The following TEX14 variants were observed in gnomAD, a reference collection of about 807,000 sequenced individuals.
The protein encoded by TEX14 is inactive serine/threonine-protein kinase TEX14.
TEX14 carries 168 observed loss-of-function variants against 178.6 expected under a neutral mutation model. The ratio of observed to expected loss-of-function variants is 0.94; its 90% confidence interval spans 0.83 to 1.07. The LOEUF (loss-of-function observed/expected upper bound fraction) is 1.07. TEX14 is among the 50% of genes least tolerant of loss of function. The probability of loss-of-function intolerance (pLI) is 0.00; values close to 1 mark genes in which losing one functional copy is unlikely to be tolerated. For missense variants in TEX14, 1,730 were observed against 1,753.6 expected (o/e 0.99, Z 0.24); for synonymous variants, 626 against 634.1 (o/e 0.99, Z 0.19).
intron 1 of TEX14, chr17:58,661,278 G>A (rs772318521): frequency 2.5e-6 from 2 of 806,352 alleles, no homozygotes; most frequent in East Asian, 2.4e-5. Flanking sequence ...AAGTGTTCGC[G>A]AGCCTGCTGC....
At chr17:58,654,583 T>G (rs771332889) in intron 1 of TEX14, among the ~76,000 whole-genome samples, 10 of 150,204 alleles carry the variant, frequency 6.7e-5, no homozygotes, top group Non-Finnish European at 1.5e-4. Flanking sequence ...CTCAGCTCAC[T>G]GCAATCTCCA....
At chr17:58,601,473 G>C (rs1179837046) in intron 13 of TEX14, among the ~76,000 whole-genome samples, 3 of 147,186 alleles carry the variant, frequency 2.0e-5, no homozygotes, top group Admixed American at 6.9e-5. Context: ...AATGAGCCGA[G>C]ACCCCACCAT....
intron 1 of TEX14, among the ~76,000 whole-genome samples, chr17:58,671,788 C>A (rs1230895159): frequency 6.6e-6 from 1 of 152,152 alleles, no homozygotes; most frequent in Non-Finnish European, 1.5e-5. Flanking sequence ...TTTGAGCTTA[C>A]AAAAGCCTTC....
chr17:58,602,424 C>T lies in TEX14; in HGVS notation c.1503G>A (p.Arg501=), dbSNP rs781378387. Residue 501 remains arginine, a synonymous_variant, in exon 12 of 32, where the codon CGG becomes CGA. Coordinates refer to ENST00000349033, the MANE Select transcript of TEX14 (RefSeq NM_031272.5). ...KDRTMNLQDI[R]YILKNDLKDF... is the part of the protein sequence containing the mutation. ...CCTTTAAGTCATTCTTCAGAATATA[C>T]CGGATATCTTGAAGGTTCATAGTTC... is the stretch of plus-strand genomic sequence containing the variant. The T allele has an allele frequency of 1.2e-6, 2 of 1,613,872 alleles. No individual in the cohort carries two copies. The highest frequency in any genetic ancestry group is 1.7e-5 in the Admixed American group (1 of 59,980).
At chr17:58,678,848 AATAAT>A (rs2047439280) in intron 1 of TEX14, among the ~76,000 whole-genome samples, 1 of 148,338 alleles carries the variant, frequency 6.7e-6, no homozygotes, top group African/African-American at 2.5e-5. Context: ...TAATAATAAT[AATAAT>A]AAAAGAGAAG....
At chr17:58,658,602 G>T (rs2047018625) in intron 1 of TEX14, among the ~76,000 whole-genome samples, 1 of 151,858 alleles carries the variant, frequency 6.6e-6, no homozygotes. Flanking sequence ...TGTTGGCCAG[G>T]CTGGTCTCAA....
chr17:58,615,177 A>C (rs748164233), intron 8 of TEX14, 55 bp downstream of exon 8: 10 of 1,025,242 alleles, frequency 9.8e-6, no homozygotes, highest in African/African-American at 3.2e-5. Context: ...ATAGCCCAGA[A>C]CCTGAGTCTG....
At chr17:58,574,675 CAAA>C (rs1177255314) in intron 21 of TEX14, among the ~76,000 whole-genome samples, 2 of 43,890 alleles carry the variant, frequency 4.6e-5, no homozygotes, top group African/African-American at 8.6e-5. Flanking sequence ...ACTCCATCTC[CAAA>C]AAAAAAAAAA....
chr17:58,592,947 A>G (rs958083068), intron 15 of TEX14, among the ~76,000 whole-genome samples: 1 of 152,192 alleles, frequency 6.6e-6, no homozygotes, highest in Non-Finnish European at 1.5e-5. Flanking sequence ...TATATGCATG[A>G]ATACATATAT....
chr17:58,602,693 A>C, intron 11 of TEX14, 103 bp from the exon 12 acceptor site: 2 of 812,624 alleles, frequency 2.5e-6, no homozygotes, highest in Non-Finnish European at 1.9e-6. Context: ...CAAGTCACTT[A>C]ACTTCTTTAT....
chr17:58,687,669 T>TA (rs148389008), intron 1 of TEX14, among the ~76,000 whole-genome samples: 8 of 147,928 alleles, frequency 5.4e-5, no homozygotes, highest in African/African-American at 7.4e-5. Flanking sequence ...GTTCTTAGGC[T>TA]AAAAAAAAAA....
At chr17:58,688,324 C>T (rs762389052) in intron 1 of TEX14, among the ~76,000 whole-genome samples, 3 of 151,994 alleles carry the variant, frequency 2.0e-5, no homozygotes, top group Admixed American at 1.3e-4. Context: ...TTTACCACAT[C>T]GCCCAGGCTG....
chr17:58,661,500 G>A (rs1297724790), intron 1 of TEX14: 3 of 780,776 alleles, frequency 3.8e-6, no homozygotes, highest in Non-Finnish European at 7.2e-6. Context: ...GAACCGGTGG[G>A]TTCAGTCGCT....
chr17:58,643,609 AC>A (rs1414318758), intron 2 of TEX14, among the ~76,000 whole-genome samples: 1 of 151,730 alleles, frequency 6.6e-6, no homozygotes, highest in African/African-American at 2.4e-5. Context: ...GTGGCTTACA[AC>A]TGTAATCCCA....
intron 2 of TEX14, among the ~76,000 whole-genome samples, chr17:58,651,235 G>C (rs2046834027): frequency 6.6e-6 from 1 of 152,194 alleles, no homozygotes; most frequent in African/African-American, 2.4e-5. Flanking sequence ...CTGTGATCAT[G>C]CTACTGCACT....
intron 19 of TEX14, among the ~76,000 whole-genome samples, chr17:58,580,472 C>G (rs763610402): frequency 1.3e-5 from 2 of 152,092 alleles, no homozygotes; most frequent in Non-Finnish European, 2.9e-5. Flanking sequence ...CCACTGCGCC[C>G]GGTTAATTTT....
intron 3 of TEX14, among the ~76,000 whole-genome samples, chr17:58,624,633 C>G (rs534353700): frequency 6.6e-6 from 1 of 152,022 alleles, no homozygotes; most frequent in Non-Finnish European, 1.5e-5. Flanking sequence ...TGAGCCACCG[C>G]GCCCAGCCTT....
At chr17:58,629,467 A>G (rs1416520509) in intron 3 of TEX14, among the ~76,000 whole-genome samples, 4 of 150,454 alleles carry the variant, frequency 2.7e-5, no homozygotes, top group Non-Finnish European at 4.4e-5. Flanking sequence ...AAAAAAAAAA[A>G]AAAAAAAAAA....
At position 58,579,576 on chromosome 17, in the gene TEX14, A is replaced by G. The variant is rs1178778510; in HGVS notation, c.3238+89T>C. On this transcript the variant is annotated intron_variant, in intron 20 of 31. Coordinates refer to ENST00000349033, the MANE Select transcript of TEX14 (RefSeq NM_031272.5). ...AAAGGTTTGGACGAGGCTGTCCCTC[A>G]GGATCCCCCCAGCTCTAAACATCTG... The G allele has an allele frequency of 2.7e-6, 3 of 1,124,676 alleles. No individual in the cohort carries two copies. In the East Asian group the frequency reaches 7.1e-5, roughly 27 times the overall value. The allele number at this position is 1,124,676 out of a possible 1,614,324, so 69.7% of individuals were successfully genotyped here. A position where few individuals can be genotyped will look rare whatever the true frequency, so the allele number is the denominator to read the frequency against.
Sources: allele counts gnomAD v4.1 joint callset (sites outside exome capture counted in the v4.1 genomes callset), GRCh38; gene constraint gnomAD v4.1.1; transcripts MANE v1.5; gene names NCBI Gene and HGNC (gene_info 2026-07-23, HGNC 2026-07-21).